Variants in ERO1B observed in about 807,000 individuals in gnomAD.
ERO1B encodes the protein ERO1-like protein beta.
ERO1B carries 49 observed loss-of-function variants against 75.3 expected under a neutral mutation model. The observed-to-expected ratio is 0.65, with a 90% CI of 0.52 to 0.83. The LOEUF (loss-of-function observed/expected upper bound fraction) is 0.83, where lower values mean the gene tolerates loss of function less well. ERO1B is among the 40% of genes least tolerant of loss of function. ERO1B has a pLI of 0.00. For missense variants in ERO1B, 512 were observed against 560.1 expected, an observed-to-expected ratio of 0.91 and a Z score of 0.87; for synonymous variants, 191 against 192.9, an observed-to-expected ratio of 0.99 and a Z score of 0.08.
chr1:236,232,968 C>A (rs1664450015), intron 8 of ERO1B, 129 bp from the exon 9 acceptor site: 3 of 654,268 alleles, frequency 4.6e-6, no homozygotes, highest in Non-Finnish European at 4.9e-6. Flanking sequence ...GAGTAGACGC[C>A]CTGCAAATGA....
At chr1:236,265,426 T>C (rs781669898) in intron 2 of ERO1B, among the ~76,000 whole-genome samples, 1 of 152,230 alleles carries the variant, frequency 6.6e-6, no homozygotes, top group East Asian at 1.9e-4. Flanking sequence ...TTAGGCATCA[T>C]CCTTGATTTC....
At chr1:236,258,503 G>T (rs187329859) in intron 2 of ERO1B, among the ~76,000 whole-genome samples, 1 of 152,036 alleles carries the variant, frequency 6.6e-6, no homozygotes, top group African/African-American at 2.4e-5. Flanking sequence ...AAAACGTAAG[G>T]AAATTTATCA....
At chr1:236,266,170 T>C (rs1404861413) in intron 2 of ERO1B, among the ~76,000 whole-genome samples, 2 of 152,236 alleles carry the variant, frequency 1.3e-5, no homozygotes, top group Non-Finnish European at 2.9e-5. Flanking sequence ...TCAATAAATA[T>C]TTACTGCATA....
intron 2 of ERO1B, among the ~76,000 whole-genome samples, chr1:236,256,728 C>T (rs1183263341): frequency 6.6e-6 from 1 of 152,006 alleles, no homozygotes; most frequent in Admixed American, 6.5e-5. Flanking sequence ...CTTCAACTCT[C>T]CATGAAAATA....
chr1:236,253,583 AGTGACATGGT>A, intron 2 of ERO1B, 78 bp from the exon 3 acceptor site: 1 of 890,120 alleles, frequency 1.1e-6, no homozygotes, highest in South Asian at 1.4e-5. Flanking sequence ...GTTGGGCACC[AGTGACATGGT>A]GGTGAATAAG....
At chr1:236,238,986 T>C (rs1303067136) in intron 6 of ERO1B, among the ~76,000 whole-genome samples, 1 of 152,134 alleles carries the variant, frequency 6.6e-6, no homozygotes, top group African/African-American at 2.4e-5. Context: ...TGGTCTTACT[T>C]TGTTGTGCAG....
chr1:236,222,136 G>T, intron 13 of ERO1B, 126 bp from the exon 14 acceptor site: 1 of 767,672 alleles, frequency 1.3e-6, no homozygotes, highest in Non-Finnish European at 2.2e-6. Context: ...TTGAGAAGGA[G>T]TTTTGCTTTG....
At chr1:236,243,256 T>C (rs12404472) in intron 6 of ERO1B, among the ~76,000 whole-genome samples, 166 bp downstream of exon 6, 10,462 of 152,274 alleles carry the variant, frequency 0.069, 746 homozygotes, top group East Asian at 0.39. Context: ...GCACTTAACA[T>C]AGGGCCTGGA....
At chr1:236,258,441 CCA>C (rs1665217203) in intron 2 of ERO1B, among the ~76,000 whole-genome samples, 1 of 152,072 alleles carries the variant, frequency 6.6e-6, no homozygotes, top group Non-Finnish European at 1.5e-5. Context: ...AATACTATAT[CCA>C]GTGATCCTGT....
At position 236,278,146 on chromosome 1, in the gene ERO1B, G is replaced by T. The variant is rs190304806; in HGVS notation, c.102+3536C>A. On this transcript the variant is annotated intron_variant, in intron 1 of 15. Transcript: ENST00000354619. ...GTTGAAAATAAATTCCTCCAGAGGTGATGGATATTTGCTTTTATTGGAAAC... is the reference window on the plus strand; with the variant it reads ...GTTGAAAATAAATTCCTCCAGAGGTTATGGATATTTGCTTTTATTGGAAAC... Among the ~76,000 whole-genome samples the T allele has an allele frequency of 5.0e-3, 764 of 152,180 alleles. 7 individuals are homozygous for T. Among genetic ancestry groups the T allele is most frequent in the African/African-American group, 0.017 (704 of 41,546 alleles).
At chr1:236,236,540 TA>T in intron 6 of ERO1B, 142 bp from the exon 7 acceptor site, 1 of 822,846 alleles carries the variant, frequency 1.2e-6, no homozygotes, top group Non-Finnish European at 1.8e-6. Context: ...GTATAGTGGT[TA>T]GTATACTTGT....
chr1:236,242,449 C>G (rs1194471190), intron 6 of ERO1B, among the ~76,000 whole-genome samples: 13 of 152,096 alleles, frequency 8.5e-5, no homozygotes, highest in Non-Finnish European at 4.4e-5. Flanking sequence ...TAACCTCACT[C>G]AGATTCCTTT....
rs193033929 is a variant in ERO1B, at chr1:236,232,754, A to T, written c.685+74T>A. 57 of 1,411,602 alleles carry T rather than the reference A, an allele frequency of 4.0e-5. 1 individual carries two copies. Among genetic ancestry groups the T allele is most frequent in the South Asian group, 2.4e-4 (18 of 74,824 alleles). The allele number at this position is 1,411,602 out of a possible 1,614,324, so 87.4% of individuals were successfully genotyped here. A position where few individuals can be genotyped will look rare whatever the true frequency, so the allele number is the denominator to read the frequency against. On this transcript the variant is annotated intron_variant, in intron 9 of 15. Coordinates refer to ENST00000354619, the MANE Select transcript of ERO1B (RefSeq NM_019891.4). The stretch of plus-strand genomic sequence containing the variant: ...GAATACTTTCTTTTGAATTCCATAA[A>T]GGAAAAATCAAATTCTGATTGTTAC...
At chr1:236,222,137 T>C in intron 13 of ERO1B, 127 bp from the exon 14 acceptor site, 1 of 769,156 alleles carries the variant, frequency 1.3e-6, no homozygotes, top group Non-Finnish European at 2.2e-6. Flanking sequence ...TGAGAAGGAG[T>C]TTTGCTTTGT....
chr1:236,260,941 G>A (rs1665281711), intron 2 of ERO1B, among the ~76,000 whole-genome samples: 1 of 152,002 alleles, frequency 6.6e-6, no homozygotes, highest in Non-Finnish European at 1.5e-5. Flanking sequence ...AAATCCAAGA[G>A]CATAGTAAAA....
At chr1:236,273,970 G>C (rs1665656905) in intron 1 of ERO1B, among the ~76,000 whole-genome samples, 3 of 147,086 alleles carry the variant, frequency 2.0e-5, no homozygotes, top group African/African-American at 7.5e-5. Context: ...TTACTGTTGA[G>C]CCATATCCTA....
At chr1:236,229,543 T>C (rs1359175978) in intron 10 of ERO1B, among the ~76,000 whole-genome samples, 1 of 152,218 alleles carries the variant, frequency 6.6e-6, no homozygotes, top group African/African-American at 2.4e-5. Flanking sequence ...TCAATTTTCC[T>C]ATGTCATTCT....
chr1:236,225,280 G>T, intron 12 of ERO1B, 141 bp from the exon 13 acceptor site: 1 of 739,348 alleles, frequency 1.4e-6, no homozygotes, highest in East Asian at 2.7e-5. Context: ...ATGTAGAAAA[G>T]TGACAAACAG....
chr1:236,235,939 T>A, intron 7 of ERO1B, 104 bp from the exon 8 acceptor site: 3 of 1,027,216 alleles, frequency 2.9e-6, no homozygotes, highest in Non-Finnish European at 4.3e-6. Context: ...CCTCTTTTTT[T>A]TTTGAGACAG....
Sources: allele counts gnomAD v4.1 joint callset (sites outside exome capture counted in the v4.1 genomes callset), GRCh38; gene constraint gnomAD v4.1.1; transcripts MANE v1.5; gene names NCBI Gene and HGNC (gene_info 2026-07-23, HGNC 2026-07-21).